Variants in FAM178B observed in about 807,000 individuals in gnomAD.
FAM178B encodes the protein family with sequence similarity 178 member B.
Under a neutral mutation model 91.7 loss-of-function variants are expected in FAM178B, and 82 were observed. The observed-to-expected ratio is 0.89, with a 90% confidence interval of 0.75 to 1.07. The LOEUF (loss-of-function observed/expected upper bound fraction) is 1.07, where lower values mean the gene tolerates loss of function less well. Among genes scored for constraint, FAM178B ranks in the 50% least tolerant of loss-of-function variants. The probability of loss-of-function intolerance (pLI) is 0.00; values close to 1 mark genes in which losing one functional copy is unlikely to be tolerated. For synonymous variants in FAM178B, 368 were observed against 359.4 expected, an observed-to-expected ratio of 1.02 and a Z score of -0.27; for missense variants, 769 against 846.7, an observed-to-expected ratio of 0.91 and a Z score of 1.14.
At chr2:96,926,498 G>A (rs1284929080) in intron 9 of FAM178B, among the ~76,000 whole-genome samples, 2 of 152,170 alleles carry the variant, frequency 1.3e-5, no homozygotes, top group Non-Finnish European at 2.9e-5. Flanking sequence ...GGGAGATGGG[G>A]GCACCTGGCA....
intron 14 of FAM178B, 69 bp downstream of exon 14, chr2:96,893,857 C>T: frequency 1.3e-6 from 2 of 1,545,680 alleles, no homozygotes; most frequent in Non-Finnish European, 1.7e-6. Flanking sequence ...GTGGACAGCC[C>T]TGCCTTTCCC....
chr2:96,953,505 G>C (rs886756727), intron 6 of FAM178B, among the ~76,000 whole-genome samples: 1 of 152,208 alleles, frequency 6.6e-6, no homozygotes, highest in Non-Finnish European at 1.5e-5. Context: ...TCTAACTGCT[G>C]CTCCAAGGGA....
At chr2:96,949,897 A>T in intron 7 of FAM178B, 1 of 824,888 alleles carries the variant, frequency 1.2e-6, no homozygotes, top group Non-Finnish European at 1.5e-6. Context: ...CCTGGCTCCG[A>T]GGCACAGAGC....
intron 12 of FAM178B, among the ~76,000 whole-genome samples, chr2:96,905,834 ATATATATATATATATATATATATATAT>A (rs1445333606): frequency 2.2e-4 from 5 of 23,024 alleles, no homozygotes; most frequent in Non-Finnish European, 5.2e-4. Context: ...ATATATATAT[ATATATATATATATATATATATATATAT>A]TTTTTTTTTT....
At chr2:96,888,145 A>G (rs1410809115) in intron 14 of FAM178B, among the ~76,000 whole-genome samples, 2 of 152,266 alleles carry the variant, frequency 1.3e-5, no homozygotes, top group Non-Finnish European at 2.9e-5. Flanking sequence ...CTGGAGGGTC[A>G]GCTTCCCAGA....
intron 13 of FAM178B, among the ~76,000 whole-genome samples, chr2:96,902,269 C>A (rs1422501783): frequency 6.6e-6 from 1 of 152,180 alleles, no homozygotes; most frequent in South Asian, 2.1e-4. Flanking sequence ...CCACACCTGG[C>A]TAATTTTTTG....
At chr2:96,942,727 C>T (rs2081755118) in intron 8 of FAM178B, among the ~76,000 whole-genome samples, 4 of 152,166 alleles carry the variant, frequency 2.6e-5, no homozygotes, top group Admixed American at 2.6e-4. Flanking sequence ...TTAGAGGACT[C>T]ATACTTCCCA....
chr2:96,933,909 T>G (rs1030340484), intron 8 of FAM178B, among the ~76,000 whole-genome samples: 3 of 152,226 alleles, frequency 2.0e-5, no homozygotes, highest in African/African-American at 7.2e-5. Flanking sequence ...TCACAATGTT[T>G]ACGGGAGGCT....
intron 10 of FAM178B, 92 bp from the exon 11 acceptor site, chr2:96,921,746 A>G (rs745508776): frequency 6.1e-5 from 81 of 1,321,816 alleles, no homozygotes; most frequent in Admixed American, 2.7e-4. Context: ...CTTAGGCAGA[A>G]GGGATGGTAC....
In FAM178B at chr2:96,951,478, C is replaced by G. The variant is rs773401746; in HGVS notation, c.894G>C (p.Pro298=). 2.6e-6 allele frequency: 4 copies of G among 1,550,472 alleles called. No homozygotes were observed. The highest frequency in any genetic ancestry group is 1.4e-5 in the African/African-American group (1 of 72,696). The change falls in exon 7 of 17, where the codon CCG becomes CCC. Residue 298 remains proline (P), a synonymous_variant. Transcript: ENST00000490605. ...SHLEGLFLSS[P]PAQQLSFLRS... is the part of the protein sequence containing the mutation. The stretch of plus-strand genomic sequence containing the variant: ...GCAGGAAGGAGAGCTGTTGGGCTGG[C>G]GGGGAGCTGGGAGGCAGAGGGCTGA...
Position 96,900,758 on chromosome 2 carries a change from G to T in FAM178B, c.1650+1862C>A, listed in dbSNP as rs1380441522. ...AGGCATCTGAGGCAAAAGCCAGGCC[G>T]AAGCCGCTCAGACAACCCAACCCCA... is the stretch of plus-strand genomic sequence containing the variant. On this transcript the variant is annotated intron_variant, in intron 13 of 16. Transcript: ENST00000490605. 5.9e-5 allele frequency among the ~76,000 whole-genome samples: 9 copies of T among 152,126 alleles called. No individual in the cohort carries two copies. In the East Asian group the frequency reaches 1.8e-3, roughly 30 times the overall value.
At chr2:96,927,480 A>C (rs2153371439) in intron 9 of FAM178B, among the ~76,000 whole-genome samples, 1 of 152,298 alleles carries the variant, frequency 6.6e-6, no homozygotes. Context: ...GGGACACGAC[A>C]TGAGGCCCTG....
At chr2:96,935,084 C>T (rs548818980) in intron 8 of FAM178B, among the ~76,000 whole-genome samples, 1 of 152,220 alleles carries the variant, frequency 6.6e-6, no homozygotes, top group Non-Finnish European at 1.5e-5. Context: ...CGTGACAGAG[C>T]GACATTGTGC....
intron 4 of FAM178B, 82 bp downstream of exon 4, chr2:96,970,634 A>G: frequency 9.0e-7 from 1 of 1,114,272 alleles, no homozygotes; most frequent in South Asian, 1.3e-5. Flanking sequence ...CTGTACTCCG[A>G]CCAGACTCTG....
intron 14 of FAM178B, among the ~76,000 whole-genome samples, chr2:96,883,883 G>A (rs1163076984): frequency 2.6e-5 from 4 of 152,102 alleles, no homozygotes; most frequent in African/African-American, 9.7e-5. Flanking sequence ...GCCCAATCTC[G>A]AGAGCCTAGA....
chr2:96,908,855 C>T (rs62152908), intron 12 of FAM178B, among the ~76,000 whole-genome samples: 18,032 of 151,848 alleles, frequency 0.12, 1,188 homozygotes, highest in Middle Eastern at 0.23. Flanking sequence ...TAGAAAACAC[C>T]TTGAAGTCTG....
chr2:96,940,040 G>C (rs886453239), intron 8 of FAM178B, among the ~76,000 whole-genome samples: 7 of 152,132 alleles, frequency 4.6e-5, no homozygotes, highest in African/African-American at 1.7e-4. Context: ...AGCTCTGAGG[G>C]AGCTGGGCCC....
intron 8 of FAM178B, among the ~76,000 whole-genome samples, chr2:96,933,021 G>T (rs1025472762): frequency 6.7e-6 from 1 of 148,418 alleles, no homozygotes; most frequent in African/African-American, 2.5e-5. Flanking sequence ...CAGGCGGGCA[G>T]ATCACAAGGT....
intron 14 of FAM178B, among the ~76,000 whole-genome samples, chr2:96,880,581 A>G (rs2080355004): frequency 6.6e-6 from 1 of 151,870 alleles, no homozygotes; most frequent in South Asian, 2.1e-4. Context: ...GGAGAATACA[A>G]TGAGAGTTGG....
Sources: allele counts gnomAD v4.1 joint callset (sites outside exome capture counted in the v4.1 genomes callset), GRCh38; gene constraint gnomAD v4.1.1; transcripts MANE v1.5; gene names NCBI Gene and HGNC (gene_info 2026-07-23, HGNC 2026-07-21).